MGRN1: variants seen among roughly 807,000 people sequenced by gnomAD.
MGRN1 encodes the protein E3 ubiquitin-protein ligase MGRN1.
In MGRN1, 29 loss-of-function variants were observed where a neutral mutation model predicts 69.2. The ratio of observed to expected loss-of-function variants is 0.42; its 90% CI spans 0.31 to 0.57. MGRN1 has a LOEUF of 0.57. Among genes scored for constraint, MGRN1 ranks in the 20% least tolerant of loss-of-function variants. The pLI, the probability that MGRN1 is intolerant of heterozygous loss-of-function variation, is 0.15. For synonymous variants in MGRN1, 470 were observed against 344.2 expected (o/e 1.37, Z -4.04); for missense variants, 998 against 796.2 (o/e 1.25, Z -3.05).
intron 1 of MGRN1, among the ~76,000 whole-genome samples, chr16:4,629,421 T>C (rs1897876279): frequency 6.6e-6 from 1 of 152,132 alleles, no homozygotes; most frequent in Non-Finnish European, 1.5e-5. Context: ...GCTTTTTAAG[T>C]GGATACTGCT....
chr16:4,636,084 G>T (rs142534056), intron 1 of MGRN1, among the ~76,000 whole-genome samples: 3,285 of 152,166 alleles, frequency 0.022, 67 homozygotes, highest in South Asian at 0.071. Flanking sequence ...TTACAGGCAT[G>T]AGCCACTGGG....
intron 13 of MGRN1, among the ~76,000 whole-genome samples, chr16:4,682,405 C>T (rs906701735): frequency 1.2e-4 from 19 of 152,192 alleles, no homozygotes; most frequent in African/African-American, 3.1e-4. Flanking sequence ...TCAGGCCTGT[C>T]GGTTCTCGTA....
chr16:4,640,867 G>A (rs764759702), intron 1 of MGRN1, among the ~76,000 whole-genome samples: 1 of 152,242 alleles, frequency 6.6e-6, no homozygotes, highest in Non-Finnish European at 1.5e-5. Context: ...GAGTCGGGGT[G>A]TGCGCCCCAG....
intron 1 of MGRN1, among the ~76,000 whole-genome samples, chr16:4,629,331 T>C (rs959783387): frequency 6.6e-6 from 1 of 152,236 alleles, no homozygotes; most frequent in African/African-American, 2.4e-5. Flanking sequence ...TTTCTCCCAG[T>C]CTGGCTTGTC....
intron 1 of MGRN1, among the ~76,000 whole-genome samples, chr16:4,627,637 A>T (rs762975493): frequency 6.6e-6 from 1 of 150,976 alleles, no homozygotes; most frequent in Non-Finnish European, 1.5e-5. Context: ...AATACAAAAA[A>T]ATTTAGCCGG....
chr16:4,686,857 A>C, intron 16 of MGRN1: 1 of 985,774 alleles, frequency 1.0e-6, no homozygotes, highest in Non-Finnish European at 1.2e-6. Context: ...TCATGGGGAA[A>C]GAATGCGCCC....
At position 4,664,820 on chromosome 16, in the gene MGRN1, G is replaced by C. The variant is rs897194831; in HGVS notation, c.628+45G>C. On this transcript the variant is annotated intron_variant, in intron 6 of 16. Coordinates refer to ENST00000262370, the MANE Select transcript of MGRN1 (RefSeq NM_015246.4). ...TCCTCCTGGGCGTGCAGGCCGTGCA[G>C]GGAGGAAGCACGTCTTGAGGGAGGA... is the stretch of plus-strand genomic sequence containing the variant. 8.1e-6 allele frequency: 13 copies of C among 1,606,732 alleles called. No individual in the cohort carries two copies. In the African/African-American group the frequency reaches 1.3e-4, roughly 17 times the overall value.
intron 10 of MGRN1, among the ~76,000 whole-genome samples, chr16:4,676,170 G>T (rs1260073425): frequency 6.6e-6 from 1 of 152,260 alleles, no homozygotes; most frequent in Non-Finnish European, 1.5e-5. Context: ...GGCTGCTGGG[G>T]CCTGGAGGGA....
In MGRN1 at chr16:4,664,713, A is replaced by G. The variant is rs764248204; in HGVS notation, c.566A>G (p.Asn189Ser). ...DFSEWKDDEL[N>S]FDLDRGVFPV... is the part of the protein sequence containing the mutation. ...TCTTGGCAACTCTCTCCTCAGCTGA[A>G]CTTTGACCTGGACCGGGGCGTGTTT... The change falls in exon 6 of 17, where the codon AAC becomes AGC. Residue 189 changes from asparagine to serine, a missense_variant. Transcript: ENST00000262370. 6.2e-7 allele frequency: 1 copy of G among 1,614,160 alleles called. No individual in the cohort carries two copies.
At chr16:4,670,337 G>T (rs997478680) in intron 8 of MGRN1, among the ~76,000 whole-genome samples, 2 of 152,204 alleles carry the variant, frequency 1.3e-5, no homozygotes, top group African/African-American at 4.8e-5. Context: ...CCACCTCCTG[G>T]GTTCAAGTGA....
intron 8 of MGRN1, 94 bp downstream of exon 8, chr16:4,668,406 C>A: frequency 7.5e-7 from 1 of 1,330,432 alleles, no homozygotes; most frequent in South Asian, 1.2e-5. Flanking sequence ...CACACTCATA[C>A]ACACGCACAT....
intron 5 of MGRN1, among the ~76,000 whole-genome samples, chr16:4,663,708 G>A (rs540248749): frequency 6.6e-6 from 1 of 152,286 alleles, no homozygotes; most frequent in East Asian, 1.9e-4. Flanking sequence ...GCCCAGGGGC[G>A]AAGTGCTTCC....
intron 16 of MGRN1, chr16:4,686,592 CCAGCCCAGGCAGGGAGACAGACA>C (rs1268076041): frequency 1.6e-6 from 2 of 1,247,804 alleles, no homozygotes; most frequent in African/African-American, 3.1e-5. Context: ...TGGAACAGTC[CCAGCCCAGGCAGGGAGACAGACA>C]CAGCCCAGGT....
intron 9 of MGRN1, chr16:4,672,606 C>G (rs1468411539): frequency 2.1e-5 from 8 of 374,060 alleles, no homozygotes; most frequent in African/African-American, 4.2e-5. Flanking sequence ...GGCATATGGT[C>G]TCTGTTGCAC....
chr16:4,667,852 G>A (rs747939893), intron 7 of MGRN1, among the ~76,000 whole-genome samples: 1 of 152,078 alleles, frequency 6.6e-6, no homozygotes, highest in Non-Finnish European at 1.5e-5. Flanking sequence ...TAACTCAGCC[G>A]GGCCTGGGAG....
chr16:4,654,486 A>G (rs1214778817), intron 4 of MGRN1, among the ~76,000 whole-genome samples: 1 of 152,274 alleles, frequency 6.6e-6, no homozygotes, highest in African/African-American at 2.4e-5. Context: ...CTACAAGGGC[A>G]CATGTGCCCC....
intron 7 of MGRN1, among the ~76,000 whole-genome samples, chr16:4,665,476 C>T (rs2078782599): frequency 6.6e-6 from 1 of 150,644 alleles, no homozygotes; most frequent in East Asian, 2.0e-4. Context: ...TCAAGCGATT[C>T]TCCCACCTCA....
At chr16:4,671,582 ACAT>A (rs1160869) in intron 9 of MGRN1, 123 bp downstream of exon 9, 101,766 of 808,514 alleles carry the variant, frequency 0.13, 7,986 homozygotes, top group East Asian at 0.26. Flanking sequence ...CCGCTAGACA[ACAT>A]CATTTTTCCT....
intron 1 of MGRN1, chr16:4,639,933 C>T (rs897469850): frequency 5.9e-5 from 9 of 152,482 alleles, no homozygotes; most frequent in Admixed American, 3.9e-4. Context: ...CTGCCCTCCA[C>T]GCTCCGCGGC....
Sources: gnomAD v4.1 joint callset for allele counts (sites outside exome capture counted in the v4.1 genomes callset) on GRCh38, gnomAD v4.1.1 for gene constraint, MANE v1.5 for transcripts, NCBI Gene and HGNC (gene_info 2026-07-23, HGNC 2026-07-21) for gene names.